ROBO2: variants seen among roughly 807,000 people sequenced by gnomAD.
The protein encoded by ROBO2 is roundabout guidance receptor 2.
In ROBO2, 53 loss-of-function variants were observed where a neutral mutation model predicts 160.8. The ratio of observed to expected loss-of-function variants is 0.33; its 90% CI spans 0.26 to 0.41. ROBO2 has a LOEUF of 0.41. Ranked by LOEUF, ROBO2 falls within the 10% of genes least tolerant of loss-of-function variation. The pLI is 1.00. For missense variants in ROBO2, 1,577 were observed against 1,722.4 expected (o/e 0.92, Z 1.49); for synonymous variants, 664 against 611.7 (o/e 1.09, Z -1.26).
In ROBO2 at chr3:76,583,757, C is replaced by G. The variant is rs2085852764; in HGVS notation, c.110-514257C>G. Among the ~76,000 whole-genome samples, 4 of 152,094 alleles carry G rather than the reference C, an allele frequency of 2.6e-5. No individual in the cohort carries two copies. In the South Asian group the frequency reaches 8.3e-4, roughly 31 times the overall value. On this transcript the variant is annotated intron_variant, in intron 2 of 26. Coordinates refer to the ROBO2 transcript ENST00000487694. ...TTTCCATTCCTGCTACGTGCAAAAT[C>G]GATGCCTTTAGCCCCAAATCTACTA...
intron 2 of ROBO2, among the ~76,000 whole-genome samples, chr3:76,397,415 C>A (rs1349067227): frequency 5.3e-5 from 8 of 152,152 alleles, no homozygotes; most frequent in Middle Eastern, 3.4e-3. Context: ...TAGGCATGGG[C>A]AAGGACTTCA....
intron 2 of ROBO2, among the ~76,000 whole-genome samples, chr3:76,786,040 G>T (rs9871765): frequency 0.01 from 1,550 of 151,312 alleles, 22 homozygotes; most frequent in African/African-American, 0.035. Flanking sequence ...CCTTGTGGAT[G>T]TATATCAACA....
intron 1 of ROBO2, among the ~76,000 whole-genome samples, chr3:77,093,498 C>T (rs2150040799): frequency 6.6e-6 from 1 of 152,258 alleles, no homozygotes; most frequent in African/African-American, 2.4e-5. Context: ...GGCCCAACAT[C>T]TTTGGGAATA....
rs1231628053 is a variant in ROBO2, at chr3:76,218,418, T to C, written c.109+280816T>C. Among the ~76,000 whole-genome samples, 4 of 152,124 alleles carry C rather than the reference T, an allele frequency of 2.6e-5. No individual in the cohort carries two copies. The South Asian group carries it at 6.2e-4, about 24-fold the overall frequency. Reference sequence around the variant, plus strand: ...TGATTGTATATCTAGAAAACCCCATTGTCTCAGCCCAAAATCTCCTTAAGC... The same window carrying C: ...TGATTGTATATCTAGAAAACCCCATCGTCTCAGCCCAAAATCTCCTTAAGC... On this transcript the variant is annotated intron_variant, in intron 2 of 26. Coordinates refer to the ROBO2 transcript ENST00000487694.
At chr3:77,008,054 G>A (rs1278465638) in intron 2 of ROBO2, among the ~76,000 whole-genome samples, 4 of 151,626 alleles carry the variant, frequency 2.6e-5, no homozygotes, top group Admixed American at 2.6e-4. Flanking sequence ...TTCCCATCAG[G>A]GAACTTTAGA....
intron 24 of ROBO2, among the ~76,000 whole-genome samples, chr3:77,639,852 A>G (rs2095321725): frequency 6.6e-6 from 1 of 152,080 alleles, no homozygotes. Flanking sequence ...TGCTGTGTTG[A>G]GATGTACTAA....
chr3:77,201,742 A>G (rs1219981496), intron 2 of ROBO2, among the ~76,000 whole-genome samples: 2 of 152,196 alleles, frequency 1.3e-5, no homozygotes, highest in Non-Finnish European at 2.9e-5. Flanking sequence ...TAAAATTTAT[A>G]TAATAGCTGG....
rs534148469 is a variant in ROBO2, at chr3:77,258,578, G to A, written c.388+160238G>A. On this transcript the variant is annotated intron_variant, in intron 2 of 25. Coordinates refer to ENST00000461745, the Ensembl canonical transcript of ROBO2. ...GTTAAGACTTCAGTGAGCCGAGATC[G>A]CACCACTGCACTCCAGCCTGGGTGA... Among the ~76,000 whole-genome samples the A allele has an allele frequency of 7.4e-5, 11 of 149,102 alleles. No individual in the cohort carries two copies. In the East Asian group the frequency reaches 1.8e-3, roughly 24 times the overall value.
intron 2 of ROBO2, among the ~76,000 whole-genome samples, chr3:75,957,785 C>T (rs1261391548): frequency 2.0e-5 from 3 of 151,522 alleles, no homozygotes; most frequent in Non-Finnish European, 4.4e-5. Context: ...CACACAACTC[C>T]CCATTCCAGA....
At chr3:76,875,244 A>C (rs921377095) in intron 2 of ROBO2, among the ~76,000 whole-genome samples, 6 of 152,144 alleles carry the variant, frequency 3.9e-5, no homozygotes, top group African/African-American at 1.4e-4. Flanking sequence ...CAGAAAACCA[A>C]ACGTGCCAGT....
chr3:77,537,768 A>G (rs2092221006), intron 6 of ROBO2, among the ~76,000 whole-genome samples: 1 of 152,168 alleles, frequency 6.6e-6, no homozygotes, highest in Non-Finnish European at 1.5e-5. Flanking sequence ...GCAGAAGAGC[A>G]AGGAACATCT....
chr3:77,304,333 G>C (rs770791375), intron 2 of ROBO2, among the ~76,000 whole-genome samples: 1 of 152,190 alleles, frequency 6.6e-6, no homozygotes, highest in Non-Finnish European at 1.5e-5. Flanking sequence ...CTCTAGCAGA[G>C]TGGCCATTGC....
rs778240800 is a variant in ROBO2 at position 77,622,430 on chromosome 3, C to T, written c.3758C>T (p.Thr1253Ile). The stretch of plus-strand genomic sequence containing the variant: ...ATGGACAATCTAGACAGCTCTGTGA[C>T]AGGTAACGGAACCAATTTAATAGGA... Residue 1253 changes from threonine (T) to isoleucine (I), a missense_variant and splice_region_variant, in exon 23 of 26, where the codon ACA (threonine) becomes ATA (isoleucine). Thr to Ile is a moderately conservative substitution (Grantham distance 89, BLOSUM62 -1). Around this residue, in one of 2 missense-constraint regions of ROBO2, gnomAD observed 637 missense variants for 586.9 expected, o/e 1.09. Transcript: ENST00000461745. 3.7e-6 allele frequency: 6 copies of T among 1,613,994 alleles called. No homozygotes were observed. In the South Asian group the frequency reaches 6.6e-5, roughly 18 times the overall value.
chr3:75,957,120 A>G (rs1274023724), intron 2 of ROBO2, among the ~76,000 whole-genome samples: 1 of 151,736 alleles, frequency 6.6e-6, no homozygotes, highest in Non-Finnish European at 1.5e-5. Context: ...CCTAATAAAT[A>G]TCTTACAAAC....
chr3:77,026,113 G>A (rs547394938), intron 2 of ROBO2, among the ~76,000 whole-genome samples: 2 of 152,254 alleles, frequency 1.3e-5, no homozygotes, highest in East Asian at 3.9e-4. Context: ...TTTTAATCAT[G>A]AGATCCTACT....
chr3:76,205,916 T>C (rs762078252), intron 2 of ROBO2, among the ~76,000 whole-genome samples: 13 of 152,306 alleles, frequency 8.5e-5, no homozygotes, highest in Non-Finnish European at 1.9e-4. Flanking sequence ...CATCTAGCCA[T>C]GGGCTGGGAC....
intron 23 of ROBO2, among the ~76,000 whole-genome samples, chr3:77,624,652 T>C (rs1346960674): frequency 6.6e-6 from 1 of 152,202 alleles, no homozygotes; most frequent in African/African-American, 2.4e-5. Context: ...TTTATGTTTT[T>C]AACATGGTAA....
At chr3:77,149,034 ATTTTTTT>A (rs71104654) in intron 2 of ROBO2, among the ~76,000 whole-genome samples, 2 of 126,122 alleles carry the variant, frequency 1.6e-5, no homozygotes, top group Non-Finnish European at 3.3e-5. Context: ...GACAAAGTAA[ATTTTTTT>A]TTTTTTTTTT....
chr3:75,968,025 T>A (rs1949181822), intron 2 of ROBO2, among the ~76,000 whole-genome samples: 1 of 151,582 alleles, frequency 6.6e-6, no homozygotes, highest in South Asian at 2.1e-4. Context: ...CTTCACATGC[T>A]AATTCATTTT....
Sources: gnomAD v4.1 joint callset for allele counts (sites outside exome capture counted in the v4.1 genomes callset) on GRCh38, gnomAD v4.1.1 for gene constraint, gnomAD v4.1.1 regional missense constraint, MANE v1.5 for transcripts, NCBI Gene and HGNC (gene_info 2026-07-23, HGNC 2026-07-21) for gene names.